TLK2: variants seen among roughly 807,000 people sequenced by gnomAD.
The protein encoded by TLK2 is tousled like kinase 2, also known as serine/threonine-protein kinase tousled-like 2.
TLK2 carries 6 observed loss-of-function variants against 117.3 expected under a neutral mutation model. That is an observed-to-expected ratio of 0.05 (90% CI 0.03 to 0.10). TLK2 has a LOEUF of 0.10. Ranked by LOEUF, TLK2 falls within the 10% of genes least tolerant of loss-of-function variation. The pLI is 1.00. For synonymous variants in TLK2, 257 were observed against 316.7 expected, an observed-to-expected ratio of 0.81 and a Z score of 2.00; for missense variants, 299 against 901.2, an observed-to-expected ratio of 0.33 and a Z score of 8.56.
In TLK2 at chr17:62,514,956, G is replaced by A. The variant is rs530435377; in HGVS notation, c.82-5817G>A. On this transcript the variant is annotated intron_variant, in intron 2 of 21. Transcript: ENST00000346027. Reference sequence around the variant, plus strand: ...AGTAGTAAATACATTCATATTGTTTGCATCCAATTTCCAGAACTTTTTTTG... The same window carrying A: ...AGTAGTAAATACATTCATATTGTTTACATCCAATTTCCAGAACTTTTTTTG... Among the ~76,000 whole-genome samples, 22 of 152,306 alleles carry A rather than the reference G, an allele frequency of 1.4e-4. No individual in the cohort carries two copies. The East Asian group carries it at 4.2e-3, about 29-fold the overall frequency.
At chr17:62,574,479 T>A in intron 12 of TLK2, 1 of 792,974 alleles carries the variant, frequency 1.3e-6, no homozygotes, top group Non-Finnish European at 2.1e-6. Flanking sequence ...ATAATGAACT[T>A]GGAAAACATC....
intron 7 of TLK2, among the ~76,000 whole-genome samples, chr17:62,537,072 A>T (rs952689445): frequency 6.6e-5 from 10 of 152,060 alleles, no homozygotes; most frequent in African/African-American, 2.4e-4. Flanking sequence ...TTCCTATTCC[A>T]CTTTCAGGGG....
intron 2 of TLK2, chr17:62,508,331 G>A (rs1598288714): frequency 3.0e-6 from 2 of 666,682 alleles, no homozygotes; most frequent in African/African-American, 3.9e-5. Context: ...ATACCACATA[G>A]TTAAACTTAA....
chr17:62,559,936 T>C, intron 9 of TLK2, 80 bp from the exon 10 acceptor site: 1 of 955,254 alleles, frequency 1.0e-6, no homozygotes, highest in African/African-American at 1.7e-5. Flanking sequence ...ATAGAAATGA[T>C]TTTTTTTTCT....
intron 2 of TLK2, among the ~76,000 whole-genome samples, chr17:62,482,303 A>G (rs1293421165): frequency 3.3e-5 from 5 of 152,054 alleles, no homozygotes; most frequent in Non-Finnish European, 1.5e-5. Context: ...GCTTTTCAAG[A>G]AATCCTGTCT....
upstream of TLK2, among the ~76,000 whole-genome samples, chr17:62,476,871 C>G (rs2071060640): frequency 6.6e-6 from 1 of 151,376 alleles, no homozygotes; most frequent in African/African-American, 2.4e-5. Flanking sequence ...CAACTGAGGT[C>G]AGGAATTCGA....
At chr17:62,516,646 G>C (rs1434758102) in intron 2 of TLK2, 7 of 1,609,958 alleles carry the variant, frequency 4.3e-6, no homozygotes, top group Non-Finnish European at 5.9e-6. Context: ...ATGAAGGTTG[G>C]GCACATTCTT....
chr17:62,472,681 T>C (rs1191867090), intron 1 of TLK2, among the ~76,000 whole-genome samples: 1 of 148,486 alleles, frequency 6.7e-6, no homozygotes, highest in Non-Finnish European at 1.5e-5. Context: ...CAGGTTGCAG[T>C]GAGCTGAGAT....
In TLK2 at chr17:62,524,242, G is replaced by A; in HGVS notation, c.274G>A (p.Gly92Arg). The change falls in exon 6 of 22, where the codon GGG (glycine) becomes AGG (arginine). Residue 92 changes from glycine (G) to arginine (R), a missense_variant. Transcript: ENST00000346027. ...GTTTTTCCCTGTTGGCCAGTTTGCT[G>A]GGGGAAGCGCGCCAGGAACCAGCCC... is the stretch of plus-strand genomic sequence containing the variant. Reference protein sequence around the residue: ...HKISDYFEFAGGSAPGTSPGR... With the variant: ...HKISDYFEFARGSAPGTSPGR... 6 of 1,613,870 alleles carry A rather than the reference G, an allele frequency of 3.7e-6. No individual in the cohort carries two copies. Among genetic ancestry groups the A allele is most frequent in the Non-Finnish European group, 4.2e-6 (5 of 1,179,840 alleles).
rs770987983 is a variant in TLK2, at chr17:62,564,978, T to C, written c.832-23T>C. ...TCCATGCTAATTGGTATTGAATTCC[T>C]TTTTTTGTCTGTTTCCCCTAAGTCA... On this transcript the variant is annotated intron_variant, in intron 10 of 21. Transcript: ENST00000346027. 2.5e-6 allele frequency: 4 copies of C among 1,588,116 alleles called. No homozygotes were observed. The African/African-American group carries it at 4.1e-5, about 16-fold the overall frequency.
intron 13 of TLK2, 74 bp from the exon 14 acceptor site, chr17:62,578,403 A>G: frequency 4.3e-6 from 5 of 1,159,890 alleles, no homozygotes; most frequent in Non-Finnish European, 6.4e-6. Context: ...AATGTCTGCT[A>G]TTGTTTTTGA....
intron 2 of TLK2, among the ~76,000 whole-genome samples, chr17:62,518,171 T>C (rs1204350835): frequency 3.3e-5 from 5 of 152,244 alleles, no homozygotes; most frequent in Non-Finnish European, 7.3e-5. Context: ...AGGTCTGATT[T>C]TTCACAGAAA....
At chr17:62,512,435 C>G (rs1262234611) in intron 2 of TLK2, among the ~76,000 whole-genome samples, 1 of 151,922 alleles carries the variant, frequency 6.6e-6, no homozygotes, top group Non-Finnish European at 1.5e-5. Flanking sequence ...GTTGGTCAGG[C>G]TGGTCTCGAA....
intron 7 of TLK2, among the ~76,000 whole-genome samples, chr17:62,538,898 A>C (rs1252967177): frequency 6.6e-6 from 1 of 152,244 alleles, no homozygotes; most frequent in African/African-American, 2.4e-5. Context: ...AAAGGAAAGC[A>C]GATTCTTAGA....
intron 7 of TLK2, among the ~76,000 whole-genome samples, chr17:62,548,684 A>G (rs1385306289): frequency 3.3e-5 from 5 of 152,120 alleles, no homozygotes; most frequent in Non-Finnish European, 7.4e-5. Flanking sequence ...TTAAACCAAT[A>G]TACCATATAT....
chr17:62,523,868 C>A (rs777004449), intron 5 of TLK2, among the ~76,000 whole-genome samples: 8 of 152,162 alleles, frequency 5.3e-5, no homozygotes, highest in Non-Finnish European at 7.3e-5. Context: ...GTAGTGAGTT[C>A]CCTGACCCAT....
chr17:62,552,221 T>C, intron 7 of TLK2, 81 bp from the exon 8 acceptor site: 2 of 1,072,574 alleles, frequency 1.9e-6, no homozygotes, highest in South Asian at 3.1e-5. Context: ...ATACAAATTA[T>C]GGAGTTGTTT....
chr17:62,504,686 T>A (rs1271606101), intron 2 of TLK2, among the ~76,000 whole-genome samples: 6 of 152,032 alleles, frequency 3.9e-5, no homozygotes, highest in Non-Finnish European at 4.4e-5. Flanking sequence ...CATGAACTTG[T>A]AGTCTCAGCT....
intron 21 of TLK2, among the ~76,000 whole-genome samples, chr17:62,608,444 G>A (rs912058193): frequency 2.0e-5 from 3 of 152,198 alleles, no homozygotes; most frequent in Non-Finnish European, 4.4e-5. Context: ...GAGAACAGGT[G>A]TGTGGATGTC....
Sources: gnomAD v4.1 joint callset for allele counts (sites outside exome capture counted in the v4.1 genomes callset) on GRCh38, gnomAD v4.1.1 for gene constraint, MANE v1.5 for transcripts, NCBI Gene and HGNC (gene_info 2026-07-23, HGNC 2026-07-21) for gene names.